The following PHF20 variants were observed in gnomAD, a reference collection of about 807,000 sequenced individuals.
PHF20 encodes glioma-expressed antigen 2.
In PHF20, 23 loss-of-function variants were observed where a neutral mutation model predicts 113.5. That is an observed-to-expected ratio of 0.20 (90% CI 0.15 to 0.29). PHF20 has a LOEUF of 0.29. Among genes scored for constraint, PHF20 ranks in the 10% least tolerant of loss-of-function variants. The pLI is 1.00. For missense variants in PHF20, 943 were observed against 1,219.6 expected, an observed-to-expected ratio of 0.77 and a Z score of 3.38; for synonymous variants, 434 against 457.3, an observed-to-expected ratio of 0.95 and a Z score of 0.65.
At chr20:35,910,692 G>T (rs1209765046) in intron 10 of PHF20, among the ~76,000 whole-genome samples, 1 of 151,458 alleles carries the variant, frequency 6.6e-6, no homozygotes, top group East Asian at 2.0e-4. Context: ...GAAGTGGCAC[G>T]ATCTCAACTC....
At chr20:35,863,998 A>C (rs2146974352) in intron 6 of PHF20, among the ~76,000 whole-genome samples, 1 of 152,282 alleles carries the variant, frequency 6.6e-6, no homozygotes, top group African/African-American at 2.4e-5. Flanking sequence ...AAAAACTTAA[A>C]ATTTGGAATT....
chr20:35,926,660 T>C (rs1289743962), intron 13 of PHF20, among the ~76,000 whole-genome samples: 1 of 152,164 alleles, frequency 6.6e-6, no homozygotes, highest in Non-Finnish European at 1.5e-5. Flanking sequence ...AAAACAGATA[T>C]CTAAAGCCTG....
intron 2 of PHF20, among the ~76,000 whole-genome samples, chr20:35,817,684 G>T (rs765795956): frequency 1.3e-5 from 2 of 152,114 alleles, no homozygotes; most frequent in African/African-American, 2.4e-5. Context: ...TGTAGTCCCA[G>T]CTACTCAGGA....
intron 13 of PHF20, among the ~76,000 whole-genome samples, chr20:35,924,885 G>A (rs2055596474): frequency 6.6e-6 from 1 of 151,516 alleles, no homozygotes; most frequent in South Asian, 2.1e-4. Flanking sequence ...ATAGACAAGA[G>A]CCACTGCGCC....
intron 10 of PHF20, among the ~76,000 whole-genome samples, chr20:35,910,406 C>T (rs558964819): frequency 2.0e-5 from 3 of 152,112 alleles, no homozygotes; most frequent in Admixed American, 6.5e-5. Context: ...ACAGCTGTAT[C>T]GAGACTTAAT....
intron 6 of PHF20, among the ~76,000 whole-genome samples, chr20:35,865,017 C>T (rs2054289616): frequency 6.6e-6 from 1 of 151,828 alleles, no homozygotes; most frequent in Non-Finnish European, 1.5e-5. Flanking sequence ...GAAACCCCGT[C>T]TCTACTGAAA....
Position 35,917,545 on chromosome 20 carries a change from C to A in PHF20, c.1887C>A (p.Gly629=). ...TTCTCTGGAGTGATGATGAGTATGG[C>A]CAAGATGTGGATGTGACCACCAACC... ...ESFLWSDDEY[G]QDVDVTTNPD... Residue 629 remains glycine, a synonymous_variant, in exon 13 of 18, where the codon GGC becomes GGA. Transcript: ENST00000374012. 1.2e-6 allele frequency: 2 copies of A among 1,613,884 alleles called. No individual in the cohort carries two copies. Among genetic ancestry groups the A allele is most frequent in the Non-Finnish European group, 1.7e-6 (2 of 1,179,904 alleles).
chr20:35,801,635 C>T, intron 2 of PHF20, 30 bp downstream of exon 2: 1 of 1,489,344 alleles, frequency 6.7e-7, no homozygotes, highest in Non-Finnish European at 9.4e-7. Flanking sequence ...TTAATTAAAG[C>T]CCTTCAGTAA....
At chr20:35,858,740 T>C (rs1185530766) in intron 5 of PHF20, among the ~76,000 whole-genome samples, 3 of 151,276 alleles carry the variant, frequency 2.0e-5, no homozygotes, top group Admixed American at 6.6e-5. Flanking sequence ...CTGGCTAATT[T>C]TTTTGTATTT....
intron 6 of PHF20, 84 bp from the exon 7 acceptor site, chr20:35,869,354 G>T (rs1210970030): frequency 1.5e-6 from 1 of 648,994 alleles, no homozygotes; most frequent in Admixed American, 3.1e-5. Context: ...ATATATATAT[G>T]TATATATGTT....
chr20:35,937,867 G>GTTGTT, intron 15 of PHF20, among the ~76,000 whole-genome samples: 1 of 151,930 alleles, frequency 6.6e-6, no homozygotes, highest in Admixed American at 6.6e-5. Context: ...TGTTGTTGTT[G>GTTGTT]TTGTTTTGTT....
At chr20:35,780,643 T>G (rs1287086539) in intron 1 of PHF20, among the ~76,000 whole-genome samples, 1 of 148,822 alleles carries the variant, frequency 6.7e-6, no homozygotes, top group Non-Finnish European at 1.5e-5. Flanking sequence ...GCCTCCCGGG[T>G]TCAAGTGATT....
Position 35,931,346 on chromosome 20 carries a change from G to C in PHF20, c.2202G>C (p.Gln734His). 1 of 1,614,114 alleles carries C rather than the reference G, an allele frequency of 6.2e-7. No individual in the cohort carries two copies. The highest frequency in any genetic ancestry group is 8.5e-7 in the Non-Finnish European group (1 of 1,180,018). ...TTCTAGAAGAGAACTACTCCCATCA[G>C]AATGCCAAGAAGATCGTGGCCACCC... Reference protein sequence around the residue: ...LAFLEENYSHQNAKKIVATHQ... With the variant: ...LAFLEENYSHHNAKKIVATHQ... Residue 734 changes from glutamine to histidine, a missense_variant, in exon 15 of 18, where the codon CAG becomes CAC. By Grantham distance (24) the Gln-to-His change is conservative. Around this residue, in one of 3 missense-constraint regions of PHF20, gnomAD observed 349 missense variants for 412.3 expected, o/e 0.85. Transcript: ENST00000374012.
chr20:35,804,804 T>C (rs1440277258), intron 2 of PHF20, among the ~76,000 whole-genome samples: 1 of 152,218 alleles, frequency 6.6e-6, no homozygotes, highest in Non-Finnish European at 1.5e-5. Flanking sequence ...GGGCAGTGGC[T>C]TTTGACCACA....
chr20:35,939,130 G>C (rs774806528), intron 16 of PHF20, 22 bp downstream of exon 16: 1 of 1,561,818 alleles, frequency 6.4e-7, no homozygotes, highest in South Asian at 1.2e-5. Context: ...CCTTGTACTT[G>C]TTCTTCATTC....
intron 2 of PHF20, among the ~76,000 whole-genome samples, chr20:35,813,262 C>T (rs939255836): frequency 5.3e-5 from 8 of 152,082 alleles, no homozygotes; most frequent in South Asian, 2.1e-4. Context: ...GGTGAGCCAC[C>T]GCGCCCGGCC....
intron 10 of PHF20, among the ~76,000 whole-genome samples, chr20:35,911,847 C>T (rs978185040): frequency 3.3e-5 from 5 of 151,688 alleles, no homozygotes; most frequent in Non-Finnish European, 5.9e-5. Context: ...TTAGTAGAGA[C>T]GGGGTTTTGC....
At chr20:35,913,116 C>T (rs1002884236) in intron 10 of PHF20, 133 bp from the exon 11 acceptor site, 4 of 527,096 alleles carry the variant, frequency 7.6e-6, no homozygotes, top group Non-Finnish European at 1.4e-5. Flanking sequence ...GGCTCTGCCT[C>T]CAGACTGGAG....
chr20:35,903,077 C>CTTTTTTTTTTTTTTTTTTT (rs376888832), intron 10 of PHF20, among the ~76,000 whole-genome samples: 1 of 60,006 alleles, frequency 1.7e-5, no homozygotes, highest in Admixed American at 1.8e-4. Flanking sequence ...CCTATCCTTT[C>CTTTTTTTTTTTTTTTTTTT]TTTTTTTTTT....
Sources: gnomAD v4.1 joint callset for allele counts (sites outside exome capture counted in the v4.1 genomes callset) on GRCh38, gnomAD v4.1.1 for gene constraint, gnomAD v4.1.1 regional missense constraint, MANE v1.5 for transcripts, NCBI Gene and HGNC (gene_info 2026-07-23, HGNC 2026-07-21) for gene names.